SPTLC3: variants seen among roughly 807,000 people sequenced by gnomAD.
SPTLC3 encodes serine palmitoyltransferase long chain base subunit 3, also known as serine palmitoyltransferase 3.
A neutral mutation model predicts 59.3 loss-of-function variants in SPTLC3; 36 were observed. The observed-to-expected ratio is 0.61, with a 90% CI of 0.47 to 0.80. The LOEUF is 0.80. SPTLC3 is among the 30% of genes least tolerant of loss of function. The probability of loss-of-function intolerance (pLI) is 0.00; values close to 1 mark genes in which losing one functional copy is unlikely to be tolerated. For synonymous variants in SPTLC3, 257 were observed against 240.8 expected (o/e 1.07, Z -0.62); for missense variants, 625 against 685.1 (o/e 0.91, Z 0.98).
rs192689002 is a variant in SPTLC3 at position 13,040,210 on chromosome 20, A to C, written c.118-8735A>C. Reference sequence around the variant, plus strand: ...CATGTTGTATAATTTCCTTAATTCAATATAGTTTTGCTCACATCCAATTTC... The same window carrying C: ...CATGTTGTATAATTTCCTTAATTCACTATAGTTTTGCTCACATCCAATTTC... On this transcript the variant is annotated intron_variant, in intron 1 of 11. Transcript: ENST00000399002. Among the ~76,000 whole-genome samples, 220 of 152,232 alleles carry C rather than the reference A, an allele frequency of 1.4e-3. 1 individual carries two copies. Among genetic ancestry groups the C allele is most frequent in the African/African-American group, 4.7e-3 (194 of 41,548 alleles).
intron 7 of SPTLC3, among the ~76,000 whole-genome samples, chr20:13,117,102 C>T (rs1192671099): frequency 6.6e-6 from 1 of 152,170 alleles, no homozygotes; most frequent in African/African-American, 2.4e-5. Context: ...GTCAAACAGA[C>T]CTGGCCAAAA....
rs1363346778 is a variant in SPTLC3, at chr20:13,036,023, C to A, written c.118-12922C>A. Among the ~76,000 whole-genome samples, 6 of 152,202 alleles carry A rather than the reference C, an allele frequency of 3.9e-5. No homozygotes were observed. The South Asian group carries it at 1.2e-3, about 32-fold the overall frequency. ...CATAACTTCAGTCATATCTAATTGACATTCCAAAGTATTTTGAAGAGAAAT... is the reference window on the plus strand; with the variant it reads ...CATAACTTCAGTCATATCTAATTGAAATTCCAAAGTATTTTGAAGAGAAAT... On this transcript the variant is annotated intron_variant, in intron 1 of 11. Coordinates refer to ENST00000399002, the MANE Select transcript of SPTLC3 (RefSeq NM_018327.4).
At chr20:13,043,239 C>T (rs1431025559) in intron 1 of SPTLC3, among the ~76,000 whole-genome samples, 2 of 152,178 alleles carry the variant, frequency 1.3e-5, no homozygotes, top group Non-Finnish European at 2.9e-5. Context: ...AGCTCCAGTG[C>T]TCTAGATTTC....
intron 9 of SPTLC3, among the ~76,000 whole-genome samples, chr20:13,144,209 T>C (rs144619746): frequency 2.0e-5 from 3 of 152,316 alleles, no homozygotes; most frequent in Non-Finnish European, 2.9e-5. Flanking sequence ...CATCTCTAGG[T>C]CTCCTTCAAA....
intron 9 of SPTLC3, among the ~76,000 whole-genome samples, chr20:13,133,452 G>A (rs532768428): frequency 3.3e-5 from 5 of 152,218 alleles, no homozygotes; most frequent in African/African-American, 1.2e-4. Context: ...CTCCATAACA[G>A]GTCGGGCATG....
intron 6 of SPTLC3, among the ~76,000 whole-genome samples, chr20:13,097,054 T>G (rs1417779332): frequency 1.1e-4 from 16 of 152,138 alleles, no homozygotes; most frequent in Admixed American, 9.8e-4. Flanking sequence ...CTGAATTATT[T>G]GTAGCTGCTA....
chr20:13,121,630 C>A (rs1395280252), intron 8 of SPTLC3, among the ~76,000 whole-genome samples: 1 of 152,122 alleles, frequency 6.6e-6, no homozygotes, highest in Non-Finnish European at 1.5e-5. Flanking sequence ...TGCAAAAGAC[C>A]AAAGCCACCT....
chr20:13,157,303 G>A (rs1600403950), intron 10 of SPTLC3, among the ~76,000 whole-genome samples: 1 of 151,886 alleles, frequency 6.6e-6, no homozygotes, highest in South Asian at 2.1e-4. Context: ...TGGGCATGGT[G>A]GCAGGCACCT....
At chr20:13,061,692 ACT>A (rs373307863) in intron 2 of SPTLC3, among the ~76,000 whole-genome samples, 224 of 152,218 alleles carry the variant, frequency 1.5e-3, no homozygotes, top group African/African-American at 5.2e-3. Flanking sequence ...GTAGGCCAAT[ACT>A]GTCAGTTGTA....
chr20:13,099,932 T>C (rs369524544), intron 6 of SPTLC3, among the ~76,000 whole-genome samples: 3 of 152,224 alleles, frequency 2.0e-5, no homozygotes, highest in East Asian at 1.9e-4. Context: ...AATGGCCACC[T>C]GCACCAGAGC....
intron 11 of SPTLC3, among the ~76,000 whole-genome samples, chr20:13,162,384 CT>C (rs1424077680): frequency 6.6e-6 from 1 of 152,144 alleles, no homozygotes; most frequent in Non-Finnish European, 1.5e-5. Flanking sequence ...TGCAAAACAC[CT>C]GCTTTGAAAG....
At chr20:13,100,738 C>T (rs1989571678) in intron 6 of SPTLC3, among the ~76,000 whole-genome samples, 2 of 152,212 alleles carry the variant, frequency 1.3e-5, no homozygotes, top group Admixed American at 1.3e-4. Flanking sequence ...TTAATTTTAA[C>T]AGCAACCCAG....
chr20:13,148,247 C>T (rs1295929724), intron 9 of SPTLC3, among the ~76,000 whole-genome samples: 1 of 152,160 alleles, frequency 6.6e-6, no homozygotes, highest in Non-Finnish European at 1.5e-5. Flanking sequence ...TTTTCTTCCC[C>T]TGACCCAGCT....
chr20:13,034,129 A>G (rs1450440337), intron 1 of SPTLC3, among the ~76,000 whole-genome samples: 2 of 152,330 alleles, frequency 1.3e-5, no homozygotes, highest in Admixed American at 1.3e-4. Flanking sequence ...ACTAAGCTCT[A>G]TACTGAAAAC....
At chr20:13,138,034 G>C (rs113950334) in intron 9 of SPTLC3, among the ~76,000 whole-genome samples, 35 of 152,250 alleles carry the variant, frequency 2.3e-4, no homozygotes, top group African/African-American at 8.4e-4. Flanking sequence ...CACCAACCCA[G>C]GGAGACCTTC....
intron 9 of SPTLC3, among the ~76,000 whole-genome samples, chr20:13,135,494 T>A (rs945839268): frequency 6.6e-6 from 1 of 152,220 alleles, no homozygotes; most frequent in Non-Finnish European, 1.5e-5. Context: ...CTAGTGAATA[T>A]TAGATATTAA....
At chr20:13,057,861 T>C (rs1987791051) in intron 2 of SPTLC3, among the ~76,000 whole-genome samples, 2 of 152,246 alleles carry the variant, frequency 1.3e-5, no homozygotes, top group Non-Finnish European at 2.9e-5. Flanking sequence ...AGTCCAACTT[T>C]GCAAAATCCA....
At chr20:13,130,670 C>G (rs1568618371) in intron 9 of SPTLC3, among the ~76,000 whole-genome samples, 1 of 152,214 alleles carries the variant, frequency 6.6e-6, no homozygotes. Flanking sequence ...TCCATATGCA[C>G]CAAGACCCTT....
intron 1 of SPTLC3, among the ~76,000 whole-genome samples, chr20:13,015,811 G>A (rs1351821774): frequency 1.3e-5 from 2 of 151,892 alleles, no homozygotes; most frequent in African/African-American, 4.8e-5. Context: ...ATAGGTAATT[G>A]TTAATCTATT....
Sources: gnomAD v4.1 joint callset for allele counts (sites outside exome capture counted in the v4.1 genomes callset) on GRCh38, gnomAD v4.1.1 for gene constraint, MANE v1.5 for transcripts, NCBI Gene and HGNC (gene_info 2026-07-23, HGNC 2026-07-21) for gene names.